VAT1L: variants seen among roughly 807,000 people sequenced by gnomAD.
The protein encoded by VAT1L is putative NADPH-dependent quinone oxidoreductase VAT1L.
Under a neutral mutation model 44.1 loss-of-function variants are expected in VAT1L, and 34 were observed. The observed-to-expected ratio is 0.77, with a 90% CI of 0.59 to 1.03. The LOEUF is 1.03. VAT1L is among the 50% of genes least tolerant of loss of function. The pLI, the probability that VAT1L is intolerant of heterozygous loss-of-function variation, is 0.00. For synonymous variants in VAT1L, 253 were observed against 202.2 expected (o/e 1.25, Z -2.13); for missense variants, 615 against 538.8 (o/e 1.14, Z -1.40).
At chr16:77,921,468 A>G (rs1361303317) in intron 7 of VAT1L, among the ~76,000 whole-genome samples, 1 of 152,186 alleles carries the variant, frequency 6.6e-6, no homozygotes, top group Non-Finnish European at 1.5e-5. Context: ...CTCTTGAGAA[A>G]TGTGTTTGTT....
chr16:77,789,662 A>G (rs373932030), intron 1 of VAT1L, among the ~76,000 whole-genome samples: 2 of 152,082 alleles, frequency 1.3e-5, no homozygotes, highest in African/African-American at 4.8e-5. Context: ...AACCCCCTCC[A>G]TGCCCCTCTC....
rs1220955603 is a variant in VAT1L at position 77,972,010 on chromosome 16, G to T, written c.1161+77G>T. On this transcript the variant is annotated intron_variant, in intron 8 of 8. Transcript: ENST00000302536. ...GGTCAATCAGATGCAGACACGGGTGGGGTAGAAGGAAGTACAGGTAGCCTG... is the reference window on the plus strand; with the variant it reads ...GGTCAATCAGATGCAGACACGGGTGTGGTAGAAGGAAGTACAGGTAGCCTG... 1.1e-5 allele frequency: 15 copies of T among 1,424,834 alleles called. 1 individual carries two copies. The highest frequency in any genetic ancestry group is 5.7e-5 in the African/African-American group (4 of 70,664). 88.3% of individuals were successfully genotyped at this position (1,424,834 alleles called of 1,614,324 possible).
At chr16:77,849,626 G>T (rs941266500) in intron 3 of VAT1L, among the ~76,000 whole-genome samples, 63 of 152,274 alleles carry the variant, frequency 4.1e-4, no homozygotes, top group African/African-American at 1.5e-3. Flanking sequence ...CTTTGAAAAG[G>T]GTCCTGTCCT....
chr16:77,962,306 G>A (rs536631248), intron 7 of VAT1L, among the ~76,000 whole-genome samples: 1 of 152,288 alleles, frequency 6.6e-6, no homozygotes, highest in Admixed American at 6.5e-5. Flanking sequence ...AATTCTGGAA[G>A]GCCAGGAACC....
At chr16:77,924,872 C>T (rs902060033) in intron 7 of VAT1L, among the ~76,000 whole-genome samples, 1 of 152,184 alleles carries the variant, frequency 6.6e-6, no homozygotes, top group Non-Finnish European at 1.5e-5. Context: ...TACCTAAGCC[C>T]TGGGTAGAGA....
At chr16:77,943,727 A>G (rs7188354) in intron 7 of VAT1L, among the ~76,000 whole-genome samples, 20,752 of 152,074 alleles carry the variant, frequency 0.14, 1,486 homozygotes, top group Middle Eastern at 0.24. Flanking sequence ...AAGTAGCCCT[A>G]GCATTCACTA....
intron 1 of VAT1L, among the ~76,000 whole-genome samples, chr16:77,804,600 C>G (rs1024027016): frequency 7.2e-5 from 11 of 152,290 alleles, no homozygotes; most frequent in African/African-American, 2.2e-4. Flanking sequence ...TGCCAAGTCA[C>G]TTCCTCCCTC....
intron 8 of VAT1L, among the ~76,000 whole-genome samples, chr16:77,976,393 A>T (rs1347145092): frequency 6.6e-6 from 1 of 152,216 alleles, no homozygotes; most frequent in East Asian, 1.9e-4. Context: ...GGACTGGATG[A>T]ACTGGGCAGA....
At chr16:77,848,148 G>C (rs1379221407) in intron 3 of VAT1L, among the ~76,000 whole-genome samples, 3 of 152,158 alleles carry the variant, frequency 2.0e-5, no homozygotes, top group Non-Finnish European at 2.9e-5. Context: ...CTTCCTAAGA[G>C]CAAAATTTAC....
chr16:77,954,494 G>A (rs1019619548), intron 7 of VAT1L, among the ~76,000 whole-genome samples: 1 of 152,108 alleles, frequency 6.6e-6, no homozygotes, highest in Non-Finnish European at 1.5e-5. Flanking sequence ...GTGTGGTAGC[G>A]CATGCCTGTA....
rs759890664 is a variant in VAT1L, at chr16:77,962,735, GGAAA to G, written c.1078-9111_1078-9108del. Among the ~76,000 whole-genome samples the G allele has an allele frequency of 1.4e-3, 202 of 139,920 alleles. 1 individual carries two copies. The highest frequency in any genetic ancestry group is 5.1e-3 in the African/African-American group (180 of 35,434). 91.8% of individuals were successfully genotyped at this position (139,920 alleles called of 152,430 possible). On this transcript the variant is annotated intron_variant, in intron 7 of 8. Coordinates refer to ENST00000302536, the MANE Select transcript of VAT1L (RefSeq NM_020927.3). ...TTTTCTCTACAAAAGAAGGAAAGAA[GGAAA>G]GAAGGAAGGAAGGAAGGAAGGAAGG...
intron 7 of VAT1L, among the ~76,000 whole-genome samples, chr16:77,957,650 G>A (rs551252214): frequency 1.6e-4 from 25 of 151,878 alleles, no homozygotes; most frequent in African/African-American, 4.6e-4. Context: ...ACTTGAACCC[G>A]GGAGGCGGAG....
chr16:77,789,448 T>G (rs1013547179), intron 1 of VAT1L, among the ~76,000 whole-genome samples: 3 of 152,170 alleles, frequency 2.0e-5, no homozygotes, highest in Non-Finnish European at 4.4e-5. Flanking sequence ...CAGCTGCCAC[T>G]AAGTGGCTTG....
chr16:77,908,893 G>A lies in VAT1L; in HGVS notation c.1077+24091G>A, dbSNP rs1016980803. The stretch of plus-strand genomic sequence containing the variant: ...GGCGCTACTGCACTCCAGCCTGGGC[G>A]ACAGAGCAAGACCCCGTCTTAAAAA... On this transcript the variant is annotated intron_variant, in intron 7 of 8. Coordinates refer to ENST00000302536, the MANE Select transcript of VAT1L (RefSeq NM_020927.3). Among the ~76,000 whole-genome samples, 10 of 152,212 alleles carry A rather than the reference G, an allele frequency of 6.6e-5. No homozygotes were observed. The East Asian group carries it at 1.4e-3, about 21-fold the overall frequency.
At chr16:77,816,842 GAA>G in intron 1 of VAT1L, 77 bp from the exon 2 acceptor site, 1 of 1,476,660 alleles carries the variant, frequency 6.8e-7, no homozygotes, top group Admixed American at 2.4e-5. Flanking sequence ...GAAAAGAAAA[GAA>G]AGAAAAGAAA....
chr16:77,857,952 C>T (rs2016878238), intron 3 of VAT1L, among the ~76,000 whole-genome samples: 1 of 151,896 alleles, frequency 6.6e-6, no homozygotes, highest in Admixed American at 6.6e-5. Flanking sequence ...AACTCTACAA[C>T]ACTAAAGGAC....
At chr16:77,881,548 G>A (rs996334661) in intron 6 of VAT1L, among the ~76,000 whole-genome samples, 3 of 152,220 alleles carry the variant, frequency 2.0e-5, no homozygotes, top group African/African-American at 7.2e-5. Flanking sequence ...TTCATTCTAA[G>A]TATGGCACTA....
intron 4 of VAT1L, among the ~76,000 whole-genome samples, chr16:77,866,941 C>T (rs994185250): frequency 1.3e-5 from 2 of 152,104 alleles, no homozygotes; most frequent in East Asian, 1.9e-4. Context: ...TTGAAGGTTG[C>T]GATCGATTTC....
chr16:77,843,064 A>G (rs745921071), intron 3 of VAT1L, among the ~76,000 whole-genome samples: 3 of 152,204 alleles, frequency 2.0e-5, no homozygotes, highest in African/African-American at 4.8e-5. Flanking sequence ...ATTGGCAAAG[A>G]CAGAGGTACA....
Sources: gnomAD v4.1 joint callset for allele counts (sites outside exome capture counted in the v4.1 genomes callset) on GRCh38, gnomAD v4.1.1 for gene constraint, MANE v1.5 for transcripts, NCBI Gene and HGNC (gene_info 2026-07-23, HGNC 2026-07-21) for gene names.